CDC14B: variants seen among roughly 807,000 people sequenced by gnomAD.
CDC14B encodes the protein cell division cycle 14B, also known as dual specificity protein phosphatase CDC14B.
In CDC14B, 22 loss-of-function variants were observed where a neutral mutation model predicts 64.2. The ratio of observed to expected loss-of-function variants is 0.34; its 90% CI spans 0.24 to 0.49. The LOEUF (loss-of-function observed/expected upper bound fraction) is 0.49. Ranked by LOEUF, CDC14B falls within the 20% of genes least tolerant of loss-of-function variation. The pLI is 0.99. For synonymous variants in CDC14B, 191 were observed against 215.8 expected (o/e 0.89, Z 1.01); for missense variants, 498 against 629.9 (o/e 0.79, Z 2.24).
chr9:96,610,037 A>G (rs1588077214), intron 1 of CDC14B, among the ~76,000 whole-genome samples: 2 of 152,194 alleles, frequency 1.3e-5, no homozygotes, highest in South Asian at 4.1e-4. Flanking sequence ...AGATTAAAGA[A>G]GCTGTATAAA....
intron 1 of CDC14B, among the ~76,000 whole-genome samples, chr9:96,572,359 G>A (rs945977957): frequency 6.6e-6 from 1 of 152,174 alleles, no homozygotes; most frequent in Non-Finnish European, 1.5e-5. Context: ...TGGGAAGGAG[G>A]GGGTGGTCTT....
At chr9:96,517,232 C>A (rs1455888501) in intron 12 of CDC14B, among the ~76,000 whole-genome samples, 4 of 151,212 alleles carry the variant, frequency 2.6e-5, no homozygotes, top group Non-Finnish European at 4.4e-5. Context: ...ATCCCAGCTA[C>A]TCGGGAAGTT....
intron 4 of CDC14B, 111 bp downstream of exon 4, chr9:96,562,582 C>T: frequency 1.3e-6 from 1 of 788,204 alleles, no homozygotes; most frequent in Non-Finnish European, 2.2e-6. Flanking sequence ...AAAACACGTT[C>T]TTTCTGAAGA....
At chr9:96,512,850 T>C (rs1348852303) in intron 12 of CDC14B, among the ~76,000 whole-genome samples, 1 of 151,982 alleles carries the variant, frequency 6.6e-6, no homozygotes, top group Non-Finnish European at 1.5e-5. Context: ...GTTGGCTTTT[T>C]TTTTTTAAAT....
intron 1 of CDC14B, chr9:96,566,828 A>G (rs778327575): frequency 1.2e-6 from 2 of 1,603,272 alleles, no homozygotes; most frequent in Non-Finnish European, 8.5e-7. Context: ...ACTCCAAAGC[A>G]TCTGGAAGGC....
chr9:96,618,889 G>A (rs1847808088), intron 1 of CDC14B: 2 of 331,680 alleles, frequency 6.0e-6, no homozygotes, highest in South Asian at 5.6e-5. Flanking sequence ...GAACTCAGAA[G>A]CAGCCCGCGG....
intron 1 of CDC14B, among the ~76,000 whole-genome samples, chr9:96,570,355 T>C (rs1025064657): frequency 6.6e-6 from 1 of 152,198 alleles, no homozygotes. Context: ...AAGAACCCTA[T>C]TTGGACCTAG....
chr9:96,503,857 C>A (rs1833772199), intron 13 of CDC14B, 68 bp from the exon 14 acceptor site: 2 of 1,204,654 alleles, frequency 1.7e-6, no homozygotes, highest in Non-Finnish European at 2.4e-6. Context: ...TTATCAAAGA[C>A]AAGGAGGGCA....
chr9:96,582,403 T>C (rs1333793223), intron 1 of CDC14B, among the ~76,000 whole-genome samples: 1 of 152,254 alleles, frequency 6.6e-6, no homozygotes, highest in African/African-American at 2.4e-5. Context: ...AAAGTGTTTT[T>C]ACCTTTCTCA....
At chr9:96,607,912 C>T (rs1490003104) in intron 1 of CDC14B, among the ~76,000 whole-genome samples, 6 of 152,190 alleles carry the variant, frequency 3.9e-5, no homozygotes, top group African/African-American at 1.4e-4. Context: ...ACTCGTGTTG[C>T]TGTGATCCAG....
intron 1 of CDC14B, among the ~76,000 whole-genome samples, chr9:96,593,246 T>C (rs1845883551): frequency 6.6e-6 from 1 of 152,056 alleles, no homozygotes; most frequent in South Asian, 2.1e-4. Context: ...CCCAGCACTT[T>C]GGGAGGCCAA....
chr9:96,605,220 G>A (rs534723663), intron 1 of CDC14B, among the ~76,000 whole-genome samples: 3 of 152,102 alleles, frequency 2.0e-5, no homozygotes, highest in East Asian at 1.9e-4. Flanking sequence ...TGCAGCAGGC[G>A]CTGTTAAGAA....
intron 1 of CDC14B, among the ~76,000 whole-genome samples, chr9:96,616,956 CTGAT>C (rs1847670474): frequency 6.6e-6 from 1 of 152,040 alleles, no homozygotes; most frequent in Non-Finnish European, 1.5e-5. Flanking sequence ...CTGCAACAGA[CTGAT>C]TAAGTATCAT....
chr9:96,551,111 C>CTTTTTTTTTTTTTT lies in CDC14B; in HGVS notation c.497+671_497+684dup, dbSNP rs202193145. ...TACAAAGCCTAGGTTTTGGGGTTTG[C>CTTTTTTTTTTTTTT]TTTTTTTTTTTTTTTTTTTGAGACA... On this transcript the variant is annotated intron_variant, in intron 5 of 13. Transcript: ENST00000375241. Among the ~76,000 whole-genome samples, 218 of 93,278 alleles carry CTTTTTTTTTTTTTT rather than the reference C, an allele frequency of 2.3e-3. 25 individuals are homozygous for CTTTTTTTTTTTTTT. Among genetic ancestry groups the CTTTTTTTTTTTTTT allele is most frequent in the African/African-American group, 9.3e-3 (190 of 20,368 alleles). The allele number at this position is 93,278 out of a possible 152,430, so 61.2% of individuals were successfully genotyped here.
At chr9:96,494,782 G>A (rs1432513215) in intron 13 of CDC14B, among the ~76,000 whole-genome samples, 31 of 53,284 alleles carry the variant, frequency 5.8e-4, no homozygotes, top group Middle Eastern at 0.017. Context: ...CCCCCCTCCC[G>A]TCCCCTCCCG....
At chr9:96,491,402 A>G (rs1243901245) in exon 14 of CDC14B, 1 of 152,224 alleles carries the variant, frequency 6.6e-6, no homozygotes, top group Non-Finnish European at 1.5e-5. Flanking sequence ...ATTTTGTTGA[A>G]TAATCAAAGT....
chr9:96,522,348 A>C (rs974312509), intron 12 of CDC14B, among the ~76,000 whole-genome samples, 158 bp downstream of exon 12: 2 of 152,306 alleles, frequency 1.3e-5, no homozygotes, highest in South Asian at 4.1e-4. Flanking sequence ...GAGAGCTTCC[A>C]AGGCCAGCAC....
At chr9:96,517,645 A>G (rs1835924278) in intron 12 of CDC14B, among the ~76,000 whole-genome samples, 1 of 137,948 alleles carries the variant, frequency 7.2e-6, no homozygotes, top group Non-Finnish European at 1.6e-5. Context: ...CTCCGTCTCA[A>G]AAAAAAAAAA....
At chr9:96,569,859 A>G (rs968659729) in intron 1 of CDC14B, among the ~76,000 whole-genome samples, 1 of 152,104 alleles carries the variant, frequency 6.6e-6, no homozygotes, top group African/African-American at 2.4e-5. Flanking sequence ...ATGTGCTGGG[A>G]TTGTAGGCAT....
Sources: gnomAD v4.1 joint callset for allele counts (sites outside exome capture counted in the v4.1 genomes callset) on GRCh38, gnomAD v4.1.1 for gene constraint, MANE v1.5 for transcripts, NCBI Gene and HGNC (gene_info 2026-07-23, HGNC 2026-07-21) for gene names.